Variants in KCND3 observed in about 807,000 individuals in gnomAD.
The protein encoded by KCND3 is potassium voltage-gated channel subfamily D member 3.
Under a neutral mutation model 51.1 loss-of-function variants are expected in KCND3, and 9 were observed. The ratio of observed to expected loss-of-function variants is 0.18; its 90% CI spans 0.11 to 0.31. The LOEUF (loss-of-function observed/expected upper bound fraction) is 0.31, where lower values mean the gene tolerates loss of function less well. KCND3 is among the 10% of genes least tolerant of loss of function. The pLI is 1.00. For synonymous variants in KCND3, 349 were observed against 368.0 expected (o/e 0.95, Z 0.59); for missense variants, 526 against 903.8 (o/e 0.58, Z 5.36).
chr1:111,951,249 C>T (rs1440722314), intron 2 of KCND3, among the ~76,000 whole-genome samples: 1 of 144,016 alleles, frequency 6.9e-6, no homozygotes, highest in African/African-American at 2.6e-5. Flanking sequence ...TATGCCAGAA[C>T]ATTTGCATAC....
intron 2 of KCND3, among the ~76,000 whole-genome samples, chr1:111,877,003 T>C (rs1352844623): frequency 6.6e-6 from 1 of 152,200 alleles, no homozygotes; most frequent in Non-Finnish European, 1.5e-5. Flanking sequence ...CATCATTGAC[T>C]CACTTAGCCA....
At chr1:111,918,272 A>C (rs1671316172) in intron 2 of KCND3, among the ~76,000 whole-genome samples, 1 of 152,210 alleles carries the variant, frequency 6.6e-6, no homozygotes, top group Non-Finnish European at 1.5e-5. Context: ...AATGAGATCT[A>C]AAAAGGAAGA....
intron 2 of KCND3, among the ~76,000 whole-genome samples, chr1:111,915,836 C>T (rs1571845591): frequency 7.4e-6 from 1 of 135,988 alleles, no homozygotes; most frequent in Admixed American, 7.3e-5. Flanking sequence ...CCAGGACTAA[C>T]AGGGATTTTA....
chr1:111,846,756 C>T (rs548848115), intron 2 of KCND3, among the ~76,000 whole-genome samples: 1 of 152,286 alleles, frequency 6.6e-6, no homozygotes, highest in South Asian at 2.1e-4. Context: ...CAGACATGAC[C>T]TCATGTACTG....
At chr1:111,956,063 G>A (rs1290679879) in intron 2 of KCND3, among the ~76,000 whole-genome samples, 1 of 152,084 alleles carries the variant, frequency 6.6e-6, no homozygotes. Flanking sequence ...TACAGATGAG[G>A]AAACTGAAGC....
chr1:111,846,623 C>T (rs547730592), intron 2 of KCND3, among the ~76,000 whole-genome samples: 2 of 152,326 alleles, frequency 1.3e-5, no homozygotes, highest in East Asian at 3.9e-4. Flanking sequence ...TCATAAGGTT[C>T]TCACGAGGAT....
At position 111,797,036 on chromosome 1, in the gene KCND3, C is replaced by T. The variant is rs78474728; in HGVS notation, c.1107-9930G>A. ...TGGGTGACAGAGCTGTTCTTCTAAACCAGTGGTTCTCAAACTTTAGTGTGC... is the reference window on the plus strand; with the variant it reads ...TGGGTGACAGAGCTGTTCTTCTAAATCAGTGGTTCTCAAACTTTAGTGTGC... On this transcript the variant is annotated intron_variant, in intron 2 of 7. Transcript: ENST00000302127. 3.9e-3 allele frequency among the ~76,000 whole-genome samples: 596 copies of T among 152,314 alleles called. 4 individuals carry two copies. The highest frequency in any genetic ancestry group is 0.014 in the African/African-American group (576 of 41,560).
At chr1:111,951,940 G>C (rs1042804859) in intron 2 of KCND3, among the ~76,000 whole-genome samples, 3 of 152,192 alleles carry the variant, frequency 2.0e-5, no homozygotes. Flanking sequence ...AGACAGCAGG[G>C]ATTTGGTAGG....
chr1:111,787,178 A>G (rs1664639031), intron 2 of KCND3, 72 bp from the exon 3 acceptor site: 4 of 1,433,864 alleles, frequency 2.8e-6, no homozygotes, highest in Admixed American at 3.5e-5. Flanking sequence ...TTCCCTGCCA[A>G]TCATTCACCT....
intron 2 of KCND3, among the ~76,000 whole-genome samples, chr1:111,936,615 A>C (rs1233483697): frequency 6.7e-6 from 1 of 148,332 alleles, no homozygotes; most frequent in Admixed American, 6.8e-5. Flanking sequence ...AGCAGTCAGA[A>C]AAGAAGAGAA....
chr1:111,924,137 C>A (rs1400930691), intron 2 of KCND3, among the ~76,000 whole-genome samples: 1 of 152,228 alleles, frequency 6.6e-6, no homozygotes, highest in African/African-American at 2.4e-5. Flanking sequence ...TCATTCATAT[C>A]CACTCCACAT....
chr1:111,930,059 G>C (rs1282814622), intron 2 of KCND3, among the ~76,000 whole-genome samples: 9 of 152,198 alleles, frequency 5.9e-5, no homozygotes, highest in Non-Finnish European at 1.5e-5. Context: ...TCATATTTTG[G>C]GTTAGGAGAA....
At chr1:111,818,040 G>GCA (rs59035556) in intron 2 of KCND3, among the ~76,000 whole-genome samples, 11,954 of 147,958 alleles carry the variant, frequency 0.081, 592 homozygotes, top group African/African-American at 0.13. Flanking sequence ...ACACGCGCGT[G>GCA]CACACACACA....
intron 2 of KCND3, among the ~76,000 whole-genome samples, chr1:111,885,336 C>T (rs1036262358): frequency 6.6e-6 from 1 of 152,122 alleles, no homozygotes; most frequent in Non-Finnish European, 1.5e-5. Flanking sequence ...CGAATAAAGA[C>T]AATGATGGCA....
intron 2 of KCND3, among the ~76,000 whole-genome samples, chr1:111,873,433 T>C (rs1220574799): frequency 6.6e-6 from 1 of 152,220 alleles, no homozygotes; most frequent in African/African-American, 2.4e-5. Flanking sequence ...TGGGAATTAC[T>C]GGGTGAAATC....
At chr1:111,947,909 C>T (rs888569924) in intron 2 of KCND3, among the ~76,000 whole-genome samples, 40 of 152,128 alleles carry the variant, frequency 2.6e-4, no homozygotes, top group Admixed American at 1.7e-3. Context: ...GTCTTGGGTA[C>T]GATGACACTT....
intron 2 of KCND3, among the ~76,000 whole-genome samples, chr1:111,914,445 G>T (rs1671102801): frequency 6.6e-6 from 1 of 152,092 alleles, no homozygotes; most frequent in Admixed American, 6.5e-5. Context: ...TCCAAGAAAT[G>T]CATTGAATTC....
Position 111,844,237 on chromosome 1 carries a change from C to G in KCND3, c.1107-57131G>C, listed in dbSNP as rs180699137. ...TGGACACCAGCTCTGCCTTCAAGTT[C>G]ATCATGTCCCTGCAGACCTCTCCAG... On this transcript the variant is annotated intron_variant, in intron 2 of 7. Coordinates refer to ENST00000302127, the MANE Select transcript of KCND3 (RefSeq NM_001378969.1). Among the ~76,000 whole-genome samples the G allele has an allele frequency of 4.6e-5, 7 of 152,320 alleles. No individual in the cohort carries two copies. The East Asian group carries it at 1.3e-3, about 29-fold the overall frequency.
chr1:111,960,887 C>T (rs1355004011), intron 2 of KCND3, among the ~76,000 whole-genome samples: 2 of 152,104 alleles, frequency 1.3e-5, no homozygotes, highest in Non-Finnish European at 2.9e-5. Context: ...GGGGCCATGG[C>T]AGTTGGGGAG....
Sources: allele counts gnomAD v4.1 joint callset (sites outside exome capture counted in the v4.1 genomes callset), GRCh38; gene constraint gnomAD v4.1.1; transcripts MANE v1.5; gene names NCBI Gene and HGNC (gene_info 2026-07-23, HGNC 2026-07-21).